The following TJP1 variants were observed in gnomAD, a reference collection of about 807,000 sequenced individuals.
TJP1 encodes tight junction protein ZO-1.
In TJP1, 43 loss-of-function variants were observed where a neutral mutation model predicts 194.2. The ratio of observed to expected loss-of-function variants is 0.22; its 90% CI spans 0.17 to 0.29. TJP1 has a LOEUF of 0.29. Ranked by LOEUF, TJP1 falls within the 10% of genes least tolerant of loss-of-function variation. The probability of loss-of-function intolerance (pLI) is 1.00; values close to 1 mark genes in which losing one functional copy is unlikely to be tolerated. For synonymous variants in TJP1, 801 were observed against 779.0 expected (o/e 1.03, Z -0.47); for missense variants, 1,971 against 2,185.7 (o/e 0.90, Z 1.96).
At chr15:29,913,496 T>A in intron 2 of TJP1, among the ~76,000 whole-genome samples, 1 of 152,320 alleles carries the variant, frequency 6.6e-6, no homozygotes, top group Admixed American at 6.5e-5. Flanking sequence ...AGGGGGTCTA[T>A]GGTTTTCATT....
rs1167831889 is a variant in TJP1 at position 29,700,699 on chromosome 15, G to T, written c.*896C>A. ...TTCAAATGCATAGCCAGAAAGAACA[G>T]AAAACCACCACTGCCCCTTGTCAAA... On this transcript the variant is annotated 3_prime_UTR_variant, in exon 28 of 28. Transcript: ENST00000614355. 7.1e-5 allele frequency: 12 copies of T among 168,922 alleles called. No individual in the cohort carries two copies. Among genetic ancestry groups the T allele is most frequent in the East Asian group, 9.0e-5 (1 of 11,094 alleles). 10.5% of individuals were successfully genotyped at this position (168,922 alleles called of 1,614,324 possible).
intron 25 of TJP1, among the ~76,000 whole-genome samples, chr15:29,707,020 T>A (rs1252588464): frequency 6.6e-6 from 1 of 152,094 alleles, no homozygotes; most frequent in Admixed American, 6.6e-5. Flanking sequence ...TCAGACTTGA[T>A]AAAATCTCCC....
chr15:29,735,300 AT>A (rs2043952881), intron 11 of TJP1, among the ~76,000 whole-genome samples: 2 of 152,000 alleles, frequency 1.3e-5, no homozygotes, highest in Non-Finnish European at 2.9e-5. Context: ...ATTAAGAAAC[AT>A]TTTTTAGCCA....
chr15:29,912,375 T>C (rs541778944), intron 2 of TJP1, among the ~76,000 whole-genome samples: 1 of 152,156 alleles, frequency 6.6e-6, no homozygotes, highest in Non-Finnish European at 1.5e-5. Context: ...CACACAAAAT[T>C]ATGTTAATTG....
At chr15:29,783,903 A>C (rs1567020582) in intron 2 of TJP1, among the ~76,000 whole-genome samples, 1 of 152,060 alleles carries the variant, frequency 6.6e-6, no homozygotes, top group Non-Finnish European at 1.5e-5. Context: ...CCCCTGTGAC[A>C]CAAGTTTACC....
At chr15:29,779,856 T>G (rs1462184835) in intron 2 of TJP1, among the ~76,000 whole-genome samples, 3 of 151,902 alleles carry the variant, frequency 2.0e-5, no homozygotes, top group African/African-American at 4.8e-5. Flanking sequence ...GGTCAATGTA[T>G]CCCCCTTGAA....
At chr15:29,833,857 G>GTATATATATA (rs71416436) in intron 2 of TJP1, among the ~76,000 whole-genome samples, 505 of 25,330 alleles carry the variant, frequency 0.02, 31 homozygotes, top group Middle Eastern at 0.059. Flanking sequence ...ATTTTTGTAA[G>GTATATATATA]TATATATATA....
In TJP1 at chr15:29,908,951, G is replaced by A. The variant is rs560380121; in HGVS notation, c.306+47281C>T. Among the ~76,000 whole-genome samples the A allele has an allele frequency of 1.6e-3, 245 of 152,094 alleles. 1 individual carries two copies. Among genetic ancestry groups the A allele is most frequent in the African/African-American group, 5.7e-3 (235 of 41,504 alleles). On this transcript the variant is annotated intron_variant, in intron 2 of 28. Transcript: ENST00000356107. ...GGGCGGATCACGAGATCAGGAGATC[G>A]AGAACATCCCGGCTAACACGGTGAA...
At chr15:29,807,685 A>C (rs2049202055) in intron 1 of TJP1, among the ~76,000 whole-genome samples, 1 of 152,184 alleles carries the variant, frequency 6.6e-6, no homozygotes, top group South Asian at 2.1e-4. Context: ...CAGAATAAAG[A>C]CAGTAACAAA....
chr15:29,837,348 C>T (rs1036443308), intron 2 of TJP1, among the ~76,000 whole-genome samples: 2 of 152,028 alleles, frequency 1.3e-5, no homozygotes, highest in African/African-American at 4.8e-5. Flanking sequence ...CACCTGAGGT[C>T]GGGACTTCAA....
intron 2 of TJP1, among the ~76,000 whole-genome samples, chr15:29,799,015 A>C (rs992652444): frequency 6.6e-6 from 1 of 152,234 alleles, no homozygotes; most frequent in African/African-American, 2.4e-5. Context: ...GGATGATTAA[A>C]AATAGGTGTT....
At chr15:29,794,721 G>A (rs1345899362) in intron 2 of TJP1, among the ~76,000 whole-genome samples, 1 of 152,120 alleles carries the variant, frequency 6.6e-6, no homozygotes, top group African/African-American at 2.4e-5. Flanking sequence ...TTTGCTTATT[G>A]AAAAAACTGA....
chr15:29,820,629 G>A, intron 1 of TJP1: 1 of 713,750 alleles, frequency 1.4e-6, no homozygotes, highest in East Asian at 2.7e-5. Flanking sequence ...TCACACTTCA[G>A]GAACAAAGTG....
intron 2 of TJP1, among the ~76,000 whole-genome samples, chr15:29,798,990 G>T (rs978153178): frequency 6.6e-6 from 1 of 152,180 alleles, no homozygotes; most frequent in Non-Finnish European, 1.5e-5. Flanking sequence ...TGGTTAAGTG[G>T]ACGTGAGGGG....
intron 2 of TJP1, among the ~76,000 whole-genome samples, chr15:29,790,319 T>TC (rs2047988576): frequency 6.6e-6 from 1 of 152,194 alleles, no homozygotes; most frequent in African/African-American, 2.4e-5. Context: ...GAGAATGAAG[T>TC]CAATTAAGTT....
chr15:29,799,087 T>A (rs2048606664), intron 2 of TJP1, among the ~76,000 whole-genome samples: 1 of 152,180 alleles, frequency 6.6e-6, no homozygotes, highest in South Asian at 2.1e-4. Flanking sequence ...CATGACTGTA[T>A]ATGCTTGTCA....
At chr15:29,717,890 G>A (rs1223649230) in intron 22 of TJP1, 131 bp downstream of exon 22, 3 of 713,850 alleles carry the variant, frequency 4.2e-6, no homozygotes, top group African/African-American at 1.8e-5. Context: ...AGAGCTGATA[G>A]TTTTTATTTA....
At chr15:29,703,590 A>G (rs1216816008) in intron 27 of TJP1, among the ~76,000 whole-genome samples, 2 of 152,218 alleles carry the variant, frequency 1.3e-5, no homozygotes, top group Non-Finnish European at 2.9e-5. Context: ...GAAAAATTTG[A>G]CAGAATAAAT....
intron 2 of TJP1, among the ~76,000 whole-genome samples, chr15:29,903,472 T>A (rs2053697896): frequency 6.6e-6 from 1 of 151,420 alleles, no homozygotes; most frequent in African/African-American, 2.4e-5. Flanking sequence ...TGAGATGGAG[T>A]CTCGCTCTGT....
Sources: allele counts gnomAD v4.1 joint callset (sites outside exome capture counted in the v4.1 genomes callset), GRCh38; gene constraint gnomAD v4.1.1; transcripts MANE v1.5; gene names NCBI Gene and HGNC (gene_info 2026-07-23, HGNC 2026-07-21).